Variants in ITSN2 observed in about 807,000 individuals in gnomAD.
ITSN2 encodes the protein intersectin-2.
In ITSN2, 156 loss-of-function variants were observed where a neutral mutation model predicts 243.7. That is an observed-to-expected ratio of 0.64 (90% CI 0.56 to 0.73). The LOEUF is 0.73. ITSN2 is among the 30% of genes least tolerant of loss of function. ITSN2 has a pLI of 0.00. For missense variants in ITSN2, 1,801 were observed against 1,996.1 expected, an observed-to-expected ratio of 0.90 and a Z score of 1.86; for synonymous variants, 703 against 699.9, an observed-to-expected ratio of 1.00 and a Z score of -0.07.
At chr2:24,341,133 A>G (rs1469292284) in intron 1 of ITSN2, among the ~76,000 whole-genome samples, 1 of 152,218 alleles carries the variant, frequency 6.6e-6, no homozygotes, top group Admixed American at 6.5e-5. Context: ...GTGACTGTAG[A>G]GCAGTAATAT....
chr2:24,245,428 TAC>T (rs1197635731), intron 29 of ITSN2, among the ~76,000 whole-genome samples: 1 of 151,930 alleles, frequency 6.6e-6, no homozygotes, highest in Non-Finnish European at 1.5e-5. Context: ...ATGGCTTCTG[TAC>T]ACTAAAAGAG....
At chr2:24,300,655 G>A (rs1202487320) in intron 11 of ITSN2, among the ~76,000 whole-genome samples, 1 of 151,802 alleles carries the variant, frequency 6.6e-6, no homozygotes, top group Non-Finnish European at 1.5e-5. Context: ...GGAGGCGGAA[G>A]TTGCAGTGAG....
At chr2:24,315,081 A>G (rs766933210) in intron 3 of ITSN2, 51 bp downstream of exon 3, 10 of 846,594 alleles carry the variant, frequency 1.2e-5, no homozygotes, top group Non-Finnish European at 1.8e-5. Context: ...TAATTCTTAG[A>G]TATCACATAA....
chr2:24,303,920 A>G, intron 8 of ITSN2, 58 bp from the exon 9 acceptor site: 1 of 1,129,158 alleles, frequency 8.9e-7, no homozygotes, highest in Non-Finnish European at 1.4e-6. Flanking sequence ...GTTATGCATA[A>G]CAAATTAGCT....
intron 17 of ITSN2, among the ~76,000 whole-genome samples, chr2:24,277,956 G>A (rs1261009561): frequency 6.6e-6 from 1 of 152,196 alleles, no homozygotes; most frequent in Admixed American, 6.5e-5. Context: ...CCACGGGTTG[G>A]GGAAGCCTGT....
At chr2:24,329,581 TGA>T (rs1394566553) in intron 1 of ITSN2, among the ~76,000 whole-genome samples, 1 of 152,172 alleles carries the variant, frequency 6.6e-6, no homozygotes, top group African/African-American at 2.4e-5. Flanking sequence ...CCATGAATTT[TGA>T]GAGTAGGACC....
chr2:24,254,529 T>G, intron 23 of ITSN2, 98 bp from the exon 24 acceptor site: 1 of 846,856 alleles, frequency 1.2e-6, no homozygotes, highest in African/African-American at 1.7e-5. Flanking sequence ...AGTGCATTTT[T>G]TAGGGCTTTC....
Position 24,210,796 on chromosome 2 carries a change from C to A in ITSN2, c.4241G>T (p.Cys1414Phe). Residue 1414 changes from cysteine to phenylalanine, a missense_variant, in exon 34 of 40, where the codon TGT becomes TTT. Around this residue, in one of 5 missense-constraint regions of ITSN2, gnomAD observed 928 missense variants for 1,065.4 expected, o/e 0.87. Transcript: ENST00000355123. ...RLEWIQAHVQCEGLAEQLIFN... is the reference protein window; with the variant it reads ...RLEWIQAHVQFEGLAEQLIFN... ...AGGCCTGACCTCCGCGAGGCCTTCA[C>A]ACTGCACGTGCGCCTGGATCCACTC... 6.2e-7 allele frequency: 1 copy of A among 1,613,974 alleles called. No homozygotes were observed. Among genetic ancestry groups the A allele is most frequent in the Non-Finnish European group, 8.5e-7 (1 of 1,179,942 alleles).
Position 24,211,373 on chromosome 2 carries a change from T to C in ITSN2, c.4090-426A>G, listed in dbSNP as rs1669478288. Among the ~76,000 whole-genome samples the C allele has an allele frequency of 6.6e-6, 1 of 152,214 alleles. No homozygotes were observed. The highest frequency in any genetic ancestry group is 1.5e-5 in the Non-Finnish European group (1 of 68,036). On this transcript the variant is annotated intron_variant, in intron 33 of 39. Transcript: ENST00000355123. The surrounding 1 kb of genome is among the most constrained non-coding windows in gnomAD (Gnocchi z 4.1). ...ACAATTTTGGGGTCACTGATCCTTT[T>C]GAAAAAAATCTGATGAAAGCAATGA...
chr2:24,220,537 A>T, intron 30 of ITSN2: 1 of 1,018,242 alleles, frequency 9.8e-7, no homozygotes, highest in Non-Finnish European at 1.2e-6. Flanking sequence ...TCCTCCAGAG[A>T]TACCAGTTTA....
At position 24,210,031 on chromosome 2, in the gene ITSN2, T is replaced by C. The variant is rs377342575; in HGVS notation, c.4260A>G (p.Gln1420=). 41 of 1,611,460 alleles carry C rather than the reference T, an allele frequency of 2.5e-5. No homozygotes were observed. The African/African-American group carries it at 3.1e-4, about 12-fold the overall frequency. The change falls in exon 35 of 40, where the codon CAA becomes CAG. Residue 1420 remains glutamine (Q), a splice_region_variant and synonymous_variant. Coordinates refer to ENST00000355123, the MANE Select transcript of ITSN2 (RefSeq NM_006277.3). ...AGTTGGTGAGAGAGTTGAAAATAAG[T>C]TGCTTAAAGAGAAAGAAAATTTCAC... ...AHVQCEGLAE[Q]LIFNSLTNCL... is the part of the protein sequence containing the mutation.
At chr2:24,223,850 GAAAGAAAGAAAGGAAAGAAAGAAAAAAA>G (rs1322321187) in intron 29 of ITSN2, among the ~76,000 whole-genome samples, 1 of 130,566 alleles carries the variant, frequency 7.7e-6, no homozygotes, top group Non-Finnish European at 1.7e-5. Context: ...ACAAGAAAAA[GAAAGAAAGAAAGGAAAGAAAGAAAAAAA>G]AGAAAGAAGA....
intron 29 of ITSN2, among the ~76,000 whole-genome samples, chr2:24,223,826 A>AAG (rs1670725007): frequency 6.9e-6 from 1 of 145,504 alleles, no homozygotes; most frequent in African/African-American, 2.5e-5. Flanking sequence ...AAGGAAGGGA[A>AAG]AAAAAGGAAA....
chr2:24,333,888 G>T (rs1161563980), intron 1 of ITSN2, among the ~76,000 whole-genome samples: 1 of 151,938 alleles, frequency 6.6e-6, no homozygotes, highest in East Asian at 1.9e-4. Flanking sequence ...AGGTTTAGGG[G>T]TTTTTTTGTT....
chr2:24,237,019 T>C (rs993250559), intron 29 of ITSN2, among the ~76,000 whole-genome samples: 1 of 152,068 alleles, frequency 6.6e-6, no homozygotes, highest in Non-Finnish European at 1.5e-5. Context: ...TGAGTAACAG[T>C]TGTAGTGCCG....
At chr2:24,223,683 CAAAAAAA>C (rs61310660) in intron 29 of ITSN2, among the ~76,000 whole-genome samples, 1 of 87,338 alleles carries the variant, frequency 1.1e-5, no homozygotes, top group Non-Finnish European at 2.3e-5. Flanking sequence ...GACCCTGTTT[CAAAAAAA>C]AAAAAAAAAG....
intron 17 of ITSN2, among the ~76,000 whole-genome samples, chr2:24,281,887 G>T (rs1678827238): frequency 6.6e-6 from 1 of 152,128 alleles, no homozygotes; most frequent in African/African-American, 2.4e-5. Flanking sequence ...CTCTTCTTCT[G>T]GCCTAGGCTG....
chr2:24,205,560 A>G (rs1668778256), intron 37 of ITSN2: 1 of 414,394 alleles, frequency 2.4e-6, no homozygotes. Context: ...TCCCACATCT[A>G]CCTCCCAGAT....
chr2:24,216,220 CA>C lies in ITSN2; in HGVS notation c.3818del (p.Val1273GlyfsTer14), dbSNP rs760260233. 1.1e-5 allele frequency: 17 copies of C among 1,602,382 alleles called. No homozygotes were observed. In the South Asian group the frequency reaches 1.9e-4, roughly 18 times the overall value. On this transcript the variant is annotated frameshift_variant, in exon 32 of 40. Coordinates refer to ENST00000355123, the MANE Select transcript of ITSN2 (RefSeq NM_006277.3). LOFTEE classifies it high-confidence loss of function. ...TCTTCTCGCCCCCGGTCTTCTTCCG[CA>C]CCCGCAAAGCCCTGCCAAGAACACA... ...SNTKLLKALR[V>X]RKKTGGEKMP...
Sources: allele counts gnomAD v4.1 joint callset (sites outside exome capture counted in the v4.1 genomes callset), GRCh38; gene constraint gnomAD v4.1.1; regional missense constraint gnomAD v4.1.1; non-coding constraint Gnocchi (gnomAD v3.1); transcripts MANE v1.5; gene names NCBI Gene and HGNC (gene_info 2026-07-23, HGNC 2026-07-21).